ZNRF2: variants seen among roughly 807,000 people sequenced by gnomAD.
ZNRF2 encodes the protein E3 ubiquitin-protein ligase ZNRF2.
ZNRF2 carries 16 observed loss-of-function variants against 20.4 expected under a neutral mutation model. The observed-to-expected ratio is 0.79, with a 90% confidence interval of 0.53 to 1.19. The LOEUF (loss-of-function observed/expected upper bound fraction) is 1.19. Ranked by LOEUF, ZNRF2 falls within the 50% of genes most tolerant of loss-of-function variation. The pLI, the probability that ZNRF2 is intolerant of heterozygous loss-of-function variation, is 0.00. For synonymous variants in ZNRF2, 178 were observed against 144.9 expected (o/e 1.23, Z -1.64); for missense variants, 363 against 332.4 (o/e 1.09, Z -0.72).
chr7:30,301,623 C>G (rs970531183), intron 1 of ZNRF2, among the ~76,000 whole-genome samples: 1 of 149,036 alleles, frequency 6.7e-6, no homozygotes. Context: ...GTCAGTCAAA[C>G]TAGCTTTAGA....
intron 1 of ZNRF2, among the ~76,000 whole-genome samples, chr7:30,297,734 AT>A (rs57677188): frequency 0.17 from 24,021 of 140,414 alleles, 5,099 homozygotes; most frequent in African/African-American, 0.51. Context: ...GCTTTCTGTG[AT>A]TTTTTTTTTT....
chr7:30,343,678 CTGA>C (rs1270435348), intron 2 of ZNRF2, among the ~76,000 whole-genome samples: 3 of 146,256 alleles, frequency 2.1e-5, no homozygotes, highest in African/African-American at 7.4e-5. Context: ...TTGTATTTGC[CTGA>C]TAAGTTTTTT....
At chr7:30,305,584 A>G (rs1254839872) in intron 1 of ZNRF2, among the ~76,000 whole-genome samples, 1 of 152,020 alleles carries the variant, frequency 6.6e-6, no homozygotes, top group African/African-American at 2.4e-5. Context: ...CATTAGTTTC[A>G]TTTCTTGAAC....
chr7:30,361,914 G>T (rs987480249), intron 3 of ZNRF2, among the ~76,000 whole-genome samples: 1 of 151,950 alleles, frequency 6.6e-6, no homozygotes, highest in Non-Finnish European at 1.5e-5. Context: ...TTACATGGTG[G>T]GATAGGATTT....
intron 2 of ZNRF2, among the ~76,000 whole-genome samples, chr7:30,341,457 A>G (rs78426761): frequency 6.6e-6 from 1 of 152,118 alleles, no homozygotes; most frequent in South Asian, 2.1e-4. Context: ...CATTTATTTC[A>G]AAGAACTTAT....
chr7:30,286,865 T>A (rs1373838242), intron 1 of ZNRF2, among the ~76,000 whole-genome samples: 1 of 152,198 alleles, frequency 6.6e-6, no homozygotes, highest in Non-Finnish European at 1.5e-5. Flanking sequence ...ATCCCCTACA[T>A]TTTTGTGCCG....
At chr7:30,302,399 A>G (rs1383588094) in intron 1 of ZNRF2, among the ~76,000 whole-genome samples, 5 of 152,136 alleles carry the variant, frequency 3.3e-5, no homozygotes, top group African/African-American at 1.2e-4. Flanking sequence ...GCATGTTGCA[A>G]TAGGTTAGGG....
At chr7:30,340,023 T>C (rs1400957733) in intron 2 of ZNRF2, among the ~76,000 whole-genome samples, 1 of 152,170 alleles carries the variant, frequency 6.6e-6, no homozygotes, top group East Asian at 1.9e-4. Flanking sequence ...TTTGTAGCAA[T>C]TCTGAATGGG....
At chr7:30,326,825 G>A (rs189296246) in intron 2 of ZNRF2, among the ~76,000 whole-genome samples, 12 of 151,752 alleles carry the variant, frequency 7.9e-5, no homozygotes, top group Admixed American at 2.0e-4. Context: ...TTAATAATAC[G>A]CATTCTGACG....
chr7:30,298,975 T>A (rs140614920), intron 1 of ZNRF2, among the ~76,000 whole-genome samples: 1 of 152,360 alleles, frequency 6.6e-6, no homozygotes, highest in African/African-American at 2.4e-5. Flanking sequence ...TTATTTCATC[T>A]TCTTGATTTT....
At chr7:30,332,062 A>G (rs1799642619) in intron 2 of ZNRF2, among the ~76,000 whole-genome samples, 1 of 152,194 alleles carries the variant, frequency 6.6e-6, no homozygotes, top group Admixed American at 6.5e-5. Flanking sequence ...TTGTGTTTAA[A>G]TTGTTACAAA....
At chr7:30,298,397 T>TG (rs906994747) in intron 1 of ZNRF2, among the ~76,000 whole-genome samples, 111 of 152,306 alleles carry the variant, frequency 7.3e-4, no homozygotes, top group Non-Finnish European at 5.1e-4. Context: ...ACTTTTAAAG[T>TG]GGGGGGCACT....
chr7:30,367,401 T>A lies in ZNRF2; in HGVS notation c.*1389T>A, dbSNP rs1800232823. ...ATATCGATAAGTAGGTTTTGTGTTT[T>A]CAACGTAGGGAAAATGTTATCAGTG... On this transcript the variant is annotated 3_prime_UTR_variant, in exon 5 of 5. Transcript: ENST00000323037. 1 of 152,432 alleles carries A rather than the reference T, an allele frequency of 6.6e-6. No individual in the cohort carries two copies. The highest frequency in any genetic ancestry group is 1.5e-5 in the Non-Finnish European group (1 of 67,904). The allele number at this position is 152,432 out of a possible 1,614,324, so 9.4% of individuals were successfully genotyped here. A position where few individuals can be genotyped will look rare whatever the true frequency, so the allele number is the denominator to read the frequency against.
chr7:30,367,597 A>T lies in ZNRF2; in HGVS notation c.*1585A>T, dbSNP rs1800235502. On this transcript the variant is annotated 3_prime_UTR_variant, in exon 5 of 5. Transcript: ENST00000323037. ...CCCTACTTTCTTGCTTCTGTTTCACATTTTTTAAAAGGGCAAGTACAGGAG... is the reference window on the plus strand; with the variant it reads ...CCCTACTTTCTTGCTTCTGTTTCACTTTTTTTAAAAGGGCAAGTACAGGAG... The T allele has an allele frequency of 6.6e-6, 1 of 151,884 alleles. No homozygotes were observed. Among genetic ancestry groups the T allele is most frequent in the South Asian group, 2.1e-4 (1 of 4,826 alleles). The allele number at this position is 151,884 out of a possible 1,614,324, so 9.4% of individuals were successfully genotyped here. A position where few individuals can be genotyped will look rare whatever the true frequency, so the allele number is the denominator to read the frequency against.
intron 2 of ZNRF2, among the ~76,000 whole-genome samples, chr7:30,336,853 T>C (rs973209931): frequency 6.6e-6 from 1 of 152,172 alleles, no homozygotes; most frequent in African/African-American, 2.4e-5. Flanking sequence ...TTCTGTAGAG[T>C]GTAAAATCTG....
intron 4 of ZNRF2, among the ~76,000 whole-genome samples, chr7:30,362,830 A>G (rs1800149609): frequency 6.6e-6 from 1 of 152,116 alleles, no homozygotes; most frequent in Non-Finnish European, 1.5e-5. Context: ...TACAAGAATC[A>G]CTTGAGGCTG....
At chr7:30,339,940 T>G (rs1287979876) in intron 2 of ZNRF2, among the ~76,000 whole-genome samples, 1 of 152,230 alleles carries the variant, frequency 6.6e-6, no homozygotes, top group Non-Finnish European at 1.5e-5. Flanking sequence ...CTTATGTCCT[T>G]GAGCAGTGTT....
chr7:30,360,675 A>G (rs1800113036), intron 3 of ZNRF2, among the ~76,000 whole-genome samples: 1 of 152,202 alleles, frequency 6.6e-6, no homozygotes. Flanking sequence ...AGGCTGGGCG[A>G]CAGAGCAAGA....
intron 3 of ZNRF2, among the ~76,000 whole-genome samples, chr7:30,361,868 A>G (rs1223616969): frequency 1.3e-5 from 2 of 152,196 alleles, no homozygotes; most frequent in Non-Finnish European, 2.9e-5. Flanking sequence ...CTAAATACAA[A>G]TGATTAATGT....
Sources: gnomAD v4.1 joint callset for allele counts (sites outside exome capture counted in the v4.1 genomes callset) on GRCh38, gnomAD v4.1.1 for gene constraint, MANE v1.5 for transcripts, NCBI Gene and HGNC (gene_info 2026-07-23, HGNC 2026-07-21) for gene names.